Variants in HIF3A observed in about 807,000 individuals in gnomAD.
The protein encoded by HIF3A is hypoxia inducible factor 3 subunit alpha, also known as hypoxia-inducible factor 3-alpha.
In HIF3A, 41 loss-of-function variants were observed where a neutral mutation model predicts 67.2. The observed-to-expected ratio is 0.61, with a 90% CI of 0.48 to 0.79. HIF3A has a LOEUF of 0.79. Among genes scored for constraint, HIF3A ranks in the 30% least tolerant of loss-of-function variants. The probability of loss-of-function intolerance (pLI) is 0.00; values close to 1 mark genes in which losing one functional copy is unlikely to be tolerated. For missense variants in HIF3A, 855 were observed against 898.0 expected, an observed-to-expected ratio of 0.95 and a Z score of 0.61; for synonymous variants, 356 against 374.8, an observed-to-expected ratio of 0.95 and a Z score of 0.58.
chr19:46,324,943 C>CATAT (rs559944273), intron 10 of HIF3A, among the ~76,000 whole-genome samples: 15 of 132,262 alleles, frequency 1.1e-4, no homozygotes, highest in Middle Eastern at 4.0e-3. Context: ...TATATATATA[C>CATAT]ATATATATAT....
At chr19:46,338,549 G>C (rs1836007028) in intron 14 of HIF3A, 1 of 1,115,558 alleles carries the variant, frequency 9.0e-7, no homozygotes, top group Non-Finnish European at 1.1e-6. Flanking sequence ...AAGTATGTGT[G>C]AGTATCCTGG....
intron 10 of HIF3A, among the ~76,000 whole-genome samples, chr19:46,323,705 C>T (rs7259194): frequency 0.046 from 6,960 of 152,246 alleles, 204 homozygotes; most frequent in Middle Eastern, 0.068. Flanking sequence ...ATTTAATGGA[C>T]TCACGGTTCC....
At chr19:46,320,152 C>T in intron 8 of HIF3A, 1 of 255,838 alleles carries the variant, frequency 3.9e-6, no homozygotes, top group Admixed American at 5.3e-5. Context: ...ATCGCTTGAA[C>T]CTGGGAGGCG....
intron 10 of HIF3A, 21 bp downstream of exon 10, chr19:46,321,987 G>T (rs1190001505): frequency 6.2e-7 from 1 of 1,611,602 alleles, no homozygotes. Context: ...CCACCCATGT[G>T]AGCCCTCAGC....
chr19:46,321,806 T>C lies in HIF3A; in HGVS notation c.1175T>C (p.Leu392Pro). The stretch of plus-strand genomic sequence containing the variant: ...CCTGGCCCCCGGATCCTTGCCTTCC[T>C]GCACCCGCCTTCCCTGAGCGAGGCT... ...DTPGPRILAF[L>P]HPPSLSEAAL... The change falls in exon 10 of 15, where the codon CTG (leucine) becomes CCG (proline). Residue 392 changes from leucine to proline, a missense_variant. Transcript: ENST00000377670. 3 of 1,613,828 alleles carry C rather than the reference T, an allele frequency of 1.9e-6. No individual in the cohort carries two copies.
At position 46,339,941 on chromosome 19, in the gene HIF3A, T is replaced by G. The variant is rs1271184351; in HGVS notation, c.*319T>G. 2 of 275,624 alleles carry G rather than the reference T, an allele frequency of 7.3e-6. No homozygotes were observed. Among genetic ancestry groups the G allele is most frequent in the African/African-American group, 2.2e-5 (1 of 45,472 alleles). 17.1% of individuals were successfully genotyped at this position (275,624 alleles called of 1,614,324 possible). On this transcript the variant is annotated 3_prime_UTR_variant, in exon 15 of 15. Coordinates refer to ENST00000377670, the MANE Select transcript of HIF3A (RefSeq NM_152795.4). ...TTCTCTGCCTCTCTTGGCTTTATTT[T>G]GGGGAATCAGGGGTGAGGAGGGTTG...
chr19:46,339,872 G>T lies in HIF3A; in HGVS notation c.*250G>T. Reference sequence around the variant, plus strand: ...CCTGGCCCCCTCCTCCTTCTCTCAGGATTTCTCTTGGGGTTCTCAATACTT... The same window carrying T: ...CCTGGCCCCCTCCTCCTTCTCTCAGTATTTCTCTTGGGGTTCTCAATACTT... On this transcript the variant is annotated 3_prime_UTR_variant, in exon 15 of 15. Transcript: ENST00000377670. The T allele has an allele frequency of 5.1e-6, 2 of 390,890 alleles. No individual in the cohort carries two copies. The highest frequency in any genetic ancestry group is 9.0e-6 in the Non-Finnish European group (2 of 221,212). The allele number at this position is 390,890 out of a possible 1,614,324, so 24.2% of individuals were successfully genotyped here. A position where few individuals can be genotyped will look rare whatever the true frequency, so the allele number is the denominator to read the frequency against.
intron 1 of HIF3A, among the ~76,000 whole-genome samples, chr19:46,299,708 G>A (rs1386076944): frequency 2.4e-4 from 4 of 17,000 alleles, no homozygotes; most frequent in Non-Finnish European, 2.2e-4. Flanking sequence ...GGACCTTGTC[G>A]CAAAAAAAAA....
chr19:46,342,340 G>A lies in HIF3A; in HGVS notation c.*2718G>A, dbSNP rs1971960953. ...AACTCCTTCTGATTCTAGATCTTAT[G>A]GTTCCCAAATCTCTCTGGTTCTAGA... On this transcript the variant is annotated 3_prime_UTR_variant, in exon 15 of 15. Transcript: ENST00000377670. 1 of 151,684 alleles carries A rather than the reference G, an allele frequency of 6.6e-6. No individual in the cohort carries two copies. Among genetic ancestry groups the A allele is most frequent in the African/African-American group, 2.4e-5 (1 of 41,248 alleles). The allele number at this position is 151,684 out of a possible 1,614,324, so 9.4% of individuals were successfully genotyped here. A position where few individuals can be genotyped will look rare whatever the true frequency, so the allele number is the denominator to read the frequency against.
At chr19:46,309,413 C>A in intron 6 of HIF3A, 54 bp downstream of exon 6, 2 of 1,124,598 alleles carry the variant, frequency 1.8e-6, no homozygotes, top group Non-Finnish European at 1.3e-6. Context: ...GTTTCCCTCC[C>A]CACCTCCACA....
intron 8 of HIF3A, among the ~76,000 whole-genome samples, chr19:46,314,156 T>G (rs1286075521): frequency 6.6e-6 from 1 of 151,132 alleles, no homozygotes; most frequent in African/African-American, 2.4e-5. Flanking sequence ...TGTTTTCATT[T>G]CTCTTGGGTA....
At chr19:46,325,736 G>T in intron 11 of HIF3A, 97 bp downstream of exon 11, 1 of 776,864 alleles carries the variant, frequency 1.3e-6, no homozygotes, top group Non-Finnish European at 2.2e-6. Flanking sequence ...TTAAAGGAAT[G>T]AATGGATGGA....
intron 13 of HIF3A, among the ~76,000 whole-genome samples, chr19:46,331,747 C>A (rs1971243152): frequency 6.7e-6 from 1 of 149,358 alleles, no homozygotes; most frequent in African/African-American, 2.5e-5. Flanking sequence ...CCCAGCTACT[C>A]AGGAGGCTGA....
chr19:46,331,712 G>C (rs1395600721), intron 13 of HIF3A, among the ~76,000 whole-genome samples: 8 of 151,328 alleles, frequency 5.3e-5, no homozygotes, highest in African/African-American at 1.7e-4. Context: ...AAAATTAGCC[G>C]GGCATGGTGG....
chr19:46,308,146 GC>G (rs927784169), intron 3 of HIF3A, 74 bp from the exon 4 acceptor site: 4 of 916,464 alleles, frequency 4.4e-6, no homozygotes, highest in Non-Finnish European at 7.4e-6. Flanking sequence ...ATGAATTGGA[GC>G]AGGGGAATGA....
In HIF3A at chr19:46,329,292, C is replaced by T. The variant is rs1342294364; in HGVS notation, c.1526C>T (p.Pro509Leu). The part of the protein sequence containing the change: ...DFQLNASEQL[P>L]RAYHRPLGAV... ...CAGCTCAACGCCAGCGAGCAGCTACCCAGGGCCTACCACAGACCTCTGGGG... is the reference window on the plus strand; with the variant it reads ...CAGCTCAACGCCAGCGAGCAGCTACTCAGGGCCTACCACAGACCTCTGGGG... The change falls in exon 12 of 15, where the codon CCC becomes CTC. Residue 509 changes from proline (P) to leucine (L), a missense_variant. By Grantham distance (98) the Pro-to-Leu change is moderately conservative. Transcript: ENST00000377670. The T allele has an allele frequency of 1.2e-6, 2 of 1,613,394 alleles. No individual in the cohort carries two copies. Among genetic ancestry groups the T allele is most frequent in the Non-Finnish European group, 8.5e-7 (1 of 1,179,976 alleles).
chr19:46,322,793 T>A (rs1234548037), intron 10 of HIF3A, among the ~76,000 whole-genome samples: 1 of 152,054 alleles, frequency 6.6e-6, no homozygotes, highest in African/African-American at 2.4e-5. Flanking sequence ...GGACAACACT[T>A]ATTTAGGTTT....
At chr19:46,313,133 C>A in intron 8 of HIF3A, 2 of 538,170 alleles carry the variant, frequency 3.7e-6, no homozygotes, top group Non-Finnish European at 4.7e-6. Context: ...TGCCTGTAAT[C>A]CCAACTACTC....
In HIF3A at chr19:46,297,488, C is replaced by A. The variant is rs1227385799; in HGVS notation, c.26+386C>A. ...ATATTGATCCCTCTGGCCTCTGAACCCCCCAAAATTGAGGGTATTCTTTGC... is the reference window on the plus strand; with the variant it reads ...ATATTGATCCCTCTGGCCTCTGAACACCCCAAAATTGAGGGTATTCTTTGC... On this transcript the variant is annotated intron_variant, in intron 1 of 14. Coordinates refer to ENST00000377670, the MANE Select transcript of HIF3A (RefSeq NM_152795.4). The surrounding 1 kb of genome is among the most constrained non-coding windows in gnomAD (Gnocchi z 4.5). 6.6e-6 allele frequency among the ~76,000 whole-genome samples: 1 copy of A among 152,022 alleles called. No homozygotes were observed. Among genetic ancestry groups the A allele is most frequent in the African/African-American group, 2.4e-5 (1 of 41,382 alleles).
Sources: gnomAD v4.1 joint callset for allele counts (sites outside exome capture counted in the v4.1 genomes callset) on GRCh38, gnomAD v4.1.1 for gene constraint, Gnocchi (gnomAD v3.1) non-coding constraint, MANE v1.5 for transcripts, NCBI Gene and HGNC (gene_info 2026-07-23, HGNC 2026-07-21) for gene names.